DAZAP1: variants seen among roughly 807,000 people sequenced by gnomAD.
The protein encoded by DAZAP1 is DAZ-associated protein 1.
In DAZAP1, 6 loss-of-function variants were observed where a neutral mutation model predicts 60.1. The ratio of observed to expected loss-of-function variants is 0.10; its 90% CI spans 0.05 to 0.20. DAZAP1 has a LOEUF of 0.20. Among genes scored for constraint, DAZAP1 ranks in the 10% least tolerant of loss-of-function variants. DAZAP1 has a pLI of 1.00. For missense variants in DAZAP1, 366 were observed against 560.4 expected, an observed-to-expected ratio of 0.65 and a Z score of 3.50; for synonymous variants, 235 against 215.9, an observed-to-expected ratio of 1.09 and a Z score of -0.78.
chr19:1,416,020 C>T lies in DAZAP1; in HGVS notation c.30-1480C>T, dbSNP rs775495880. 1.3e-5 allele frequency: 2 copies of T among 152,184 alleles called. No homozygotes were observed. Among genetic ancestry groups the T allele is most frequent in the Non-Finnish European group, 2.9e-5 (2 of 68,036 alleles). The allele number at this position is 152,184 out of a possible 1,614,324, so 9.4% of individuals were successfully genotyped here. A position where few individuals can be genotyped will look rare whatever the true frequency, so the allele number is the denominator to read the frequency against. ...AAAAAAGAAGGAACAGGGACAAGCT[C>T]CTGGCGGTTGGCTGTGGCAGACACT... is the stretch of plus-strand genomic sequence containing the variant. On this transcript the variant is annotated intron_variant, in intron 1 of 11. Coordinates refer to ENST00000233078, the MANE Select transcript of DAZAP1 (RefSeq NM_018959.4). The surrounding 1 kb of genome is among the most constrained non-coding windows in gnomAD (Gnocchi z 4.3).
In DAZAP1 at chr19:1,422,444, C is replaced by T; in HGVS notation, c.463+48C>T. On this transcript the variant is annotated intron_variant, in intron 6 of 11. Coordinates refer to ENST00000233078, the MANE Select transcript of DAZAP1 (RefSeq NM_018959.4). This position sits in a 1 kb window ranked among gnomAD's most constrained non-coding sequence, Gnocchi z 4.5. ...CTCGGCCTTCTCCCTGCTCCTCCCT[C>T]AGATGGCAAACTATCTCACCCGCCA... The T allele has an allele frequency of 6.3e-7, 1 of 1,575,924 alleles. No homozygotes were observed. The highest frequency in any genetic ancestry group is 8.7e-7 in the Non-Finnish European group (1 of 1,146,516).
rs2083372210 is a variant in DAZAP1, at chr19:1,428,957, A to G, written c.662A>G (p.Gln221Arg). ...VPNAANGWAG[Q>R]PPPTWQQGYG... ...AACGCTGCCAATGGCTGGGCAGGCC[A>G]GCCCCCGCCCACGTGGCAGCAAGGA... The change falls in exon 8 of 12, where the codon CAG becomes CGG. Residue 221 changes from glutamine to arginine, a missense_variant. By Grantham distance (43) the Gln-to-Arg change is conservative. Around this residue, in one of 3 missense-constraint regions of DAZAP1, gnomAD observed 240 missense variants for 308.8 expected, o/e 0.78. Coordinates refer to ENST00000233078, the MANE Select transcript of DAZAP1 (RefSeq NM_018959.4). This position sits in a 1 kb window ranked among gnomAD's most constrained non-coding sequence, Gnocchi z 4.0. The G allele has an allele frequency of 6.2e-7, 1 of 1,608,872 alleles. No homozygotes were observed. The highest frequency in any genetic ancestry group is 8.5e-7 in the Non-Finnish European group (1 of 1,178,030).
chr19:1,411,738 G>A (rs1023366185), intron 1 of DAZAP1, among the ~76,000 whole-genome samples: 6 of 152,344 alleles, frequency 3.9e-5, no homozygotes, highest in African/African-American at 1.4e-4. Flanking sequence ...AGGAGTTGAG[G>A]GATGGGCCCG....
chr19:1,431,512 C>T (rs772701955), intron 10 of DAZAP1, among the ~76,000 whole-genome samples: 27 of 152,044 alleles, frequency 1.8e-4, no homozygotes, highest in Admixed American at 5.9e-4. Flanking sequence ...TCACTACAAC[C>T]TCTGCCTCCT....
intron 1 of DAZAP1, among the ~76,000 whole-genome samples, chr19:1,414,087 C>G (rs1420930125): frequency 6.6e-6 from 1 of 151,232 alleles, no homozygotes; most frequent in East Asian, 2.0e-4. Context: ...TTGATCTTGG[C>G]TCAGTGCAAC....
Position 1,422,860 on chromosome 19 carries a change from T to G in DAZAP1, c.463+464T>G, listed in dbSNP as rs2083199395. Among the ~76,000 whole-genome samples, 1 of 152,002 alleles carries G rather than the reference T, an allele frequency of 6.6e-6. No homozygotes were observed. Among genetic ancestry groups the G allele is most frequent in the Non-Finnish European group, 1.5e-5 (1 of 68,014 alleles). On this transcript the variant is annotated intron_variant, in intron 6 of 11. Transcript: ENST00000233078. The surrounding 1 kb of genome is among the most constrained non-coding windows in gnomAD (Gnocchi z 4.5). ...TTTTCCTTTTCTTTTCTTTTTCTTT[T>G]TTTTCAGTTTTCTCCCCTCTCTGAA...
At position 1,422,358 on chromosome 19, in the gene DAZAP1, T is replaced by C; in HGVS notation, c.425T>C (p.Val142Ala). Residue 142 changes from valine to alanine, a missense_variant, in exon 6 of 12, where the codon GTA (valine) becomes GCA (alanine). This residue lies in a region of DAZAP1 where 28 missense variants were observed against 96.3 expected (regional missense o/e 0.29). Transcript: ENST00000233078. This position sits in a 1 kb window ranked among gnomAD's most constrained non-coding sequence, Gnocchi z 4.5. ...ACCCTCTCCTTCCAGGTCACGGAGG[T>C]AGTCATGATCTATGACGCCGAGAAG... is the stretch of plus-strand genomic sequence containing the variant. ...YFKKFGVVTE[V>A]VMIYDAEKQR... 6.2e-7 allele frequency: 1 copy of C among 1,613,554 alleles called. No homozygotes were observed. The highest frequency in any genetic ancestry group is 8.5e-7 in the Non-Finnish European group (1 of 1,179,858).
intron 10 of DAZAP1, among the ~76,000 whole-genome samples, chr19:1,430,880 C>T (rs375901837): frequency 1.3e-5 from 2 of 151,656 alleles, no homozygotes; most frequent in East Asian, 3.9e-4. Context: ...GCCACCACGC[C>T]CGGCTAATTT....
rs771366198 is a variant in DAZAP1, at chr19:1,430,344, G to A, written c.853G>A (p.Gly285Ser). 9 of 1,502,348 alleles carry A rather than the reference G, an allele frequency of 6.0e-6. No individual in the cohort carries two copies. The East Asian group carries it at 7.3e-5, about 12-fold the overall frequency. The allele number at this position is 1,502,348 out of a possible 1,614,324, so 93.1% of individuals were successfully genotyped here. ...TCCCCAGGGCTTCCCTCAGGGCTAC[G>A]GTGCCCCGCCACAGTTCAGTAAGTC... ...PPPQGFPQGY[G>S]APPQFSFGYG... Residue 285 changes from glycine to serine, a missense_variant, in exon 10 of 12, where the codon GGT becomes AGT. Around this residue, in one of 3 missense-constraint regions of DAZAP1, gnomAD observed 240 missense variants for 308.8 expected, o/e 0.78. Transcript: ENST00000233078.
chr19:1,407,761 C>G lies in DAZAP1; in HGVS notation c.-13C>G. 9.2e-7 allele frequency: 1 copy of G among 1,090,220 alleles called. No individual in the cohort carries two copies. Among genetic ancestry groups the G allele is most frequent in the Non-Finnish European group, 1.1e-6 (1 of 898,510 alleles). The allele number at this position is 1,090,220 out of a possible 1,614,324, so 67.5% of individuals were successfully genotyped here. On this transcript the variant is annotated 5_prime_UTR_variant, in exon 1 of 12. Transcript: ENST00000233078. Reference sequence around the variant, plus strand: ...GAGGCCCGGGAGCGCCGAGCGTCGCCGCCGCCGCCGCCATGAACAACTCGG... The same window carrying G: ...GAGGCCCGGGAGCGCCGAGCGTCGCGGCCGCCGCCGCCATGAACAACTCGG...
At chr19:1,414,190 G>A (rs2082909737) in intron 1 of DAZAP1, among the ~76,000 whole-genome samples, 1 of 151,864 alleles carries the variant, frequency 6.6e-6, no homozygotes, top group Admixed American at 6.6e-5. Context: ...GCTAATTTTT[G>A]TATTTTTAGT....
intron 6 of DAZAP1, among the ~76,000 whole-genome samples, chr19:1,424,121 T>C (rs2083238486): frequency 1.3e-5 from 2 of 150,992 alleles, no homozygotes; most frequent in Admixed American, 6.6e-5. Flanking sequence ...CTGAAGGTCA[T>C]GGCCATGTCC....
At chr19:1,408,334 G>A (rs1354329546) in intron 1 of DAZAP1, among the ~76,000 whole-genome samples, 2 of 152,074 alleles carry the variant, frequency 1.3e-5, no homozygotes, top group Non-Finnish European at 2.9e-5. Context: ...GGAGTCTGCG[G>A]GGAGTCCAGG....
In DAZAP1 at chr19:1,418,330, C is replaced by T. The variant is rs780708595; in HGVS notation, c.197C>T (p.Thr66Met). 29 of 1,613,996 alleles carry T rather than the reference C, an allele frequency of 1.8e-5. No homozygotes were observed. Among genetic ancestry groups the T allele is most frequent in the Middle Eastern group, 1.6e-4 (1 of 6,066 alleles). ...TTTAAAGACCCAAACTGTGTGGGGA[C>T]GGTGCTGGCCAGCAGACCGCACACG... Reference protein sequence around the residue: ...VKFKDPNCVGTVLASRPHTLD... With the variant: ...VKFKDPNCVGMVLASRPHTLD... The change falls in exon 3 of 12, where the codon ACG becomes ATG. Residue 66 changes from threonine (T) to methionine (M), a missense_variant. By Grantham distance (81) the Thr-to-Met change is moderately conservative. This residue lies in a region of DAZAP1 where 98 missense variants were observed against 155.3 expected (regional missense o/e 0.63). Transcript: ENST00000233078. This position sits in a 1 kb window ranked among gnomAD's most constrained non-coding sequence, Gnocchi z 5.7.
chr19:1,413,132 A>G (rs1010175862), intron 1 of DAZAP1, among the ~76,000 whole-genome samples: 1 of 152,178 alleles, frequency 6.6e-6, no homozygotes, highest in Non-Finnish European at 1.5e-5. Context: ...TAACGTCCTC[A>G]GTCCACACGC....
intron 6 of DAZAP1, among the ~76,000 whole-genome samples, chr19:1,424,729 C>T (rs1438985267): frequency 6.6e-6 from 1 of 152,180 alleles, no homozygotes; most frequent in Non-Finnish European, 1.5e-5. Context: ...CACCCTGTGC[C>T]TCTGGCGCGG....
At chr19:1,430,788 G>A (rs1162534808) in intron 10 of DAZAP1, among the ~76,000 whole-genome samples, 1 of 146,610 alleles carries the variant, frequency 6.8e-6, no homozygotes, top group Non-Finnish European at 1.5e-5. Flanking sequence ...TGGCGCAATC[G>A]CGGCTCACTG....
At chr19:1,408,238 C>T (rs963539703) in intron 1 of DAZAP1, among the ~76,000 whole-genome samples, 1 of 152,232 alleles carries the variant, frequency 6.6e-6, no homozygotes, top group East Asian at 1.9e-4. Context: ...GTGGCGGCCC[C>T]GAACGGGAAC....
chr19:1,413,989 C>G (rs1012257036), intron 1 of DAZAP1, among the ~76,000 whole-genome samples: 14 of 130,066 alleles, frequency 1.1e-4, no homozygotes, highest in East Asian at 2.3e-4. Flanking sequence ...CCCCAGTGAA[C>G]TGTGTGTGTG....
Sources: allele counts gnomAD v4.1 joint callset (sites outside exome capture counted in the v4.1 genomes callset), GRCh38; gene constraint gnomAD v4.1.1; regional missense constraint gnomAD v4.1.1; non-coding constraint Gnocchi (gnomAD v3.1); transcripts MANE v1.5; gene names NCBI Gene and HGNC (gene_info 2026-07-23, HGNC 2026-07-21).